The following PCDH11Y variants were observed in gnomAD, a reference collection of about 807,000 sequenced individuals.
The protein encoded by PCDH11Y is protocadherin 11 Y-linked.
For missense variants in PCDH11Y, 12 were observed against 224.8 expected (o/e 0.05, Z 6.05); for synonymous variants, 9 against 83.6 (o/e 0.11, Z 4.87).
At chrY:5,521,849 T>G in intron 3 of PCDH11Y, among the ~76,000 whole-genome samples, 1 of 33,725 alleles carries the variant, frequency 3.0e-5, no homozygotes. Flanking sequence ...AATGAAATAG[T>G]ATTTGTTTTT....
chrY:5,154,556 T>C, intron 2 of PCDH11Y, among the ~76,000 whole-genome samples: 2 of 32,568 alleles, frequency 6.1e-5, no homozygotes, highest in Non-Finnish European at 1.5e-4. Context: ...GAGGTGAACT[T>C]TGTTTTGGGA....
chrY:5,278,943 C>T, intron 2 of PCDH11Y, among the ~76,000 whole-genome samples: 1 of 33,064 alleles, frequency 3.0e-5, no homozygotes, highest in Admixed American at 2.8e-4. Flanking sequence ...TGATATATTT[C>T]CAACTCACAG....
intron 2 of PCDH11Y, among the ~76,000 whole-genome samples, chrY:5,375,019 C>T (rs2053196508): frequency 6.6e-4 from 22 of 33,500 alleles, no homozygotes; most frequent in Admixed American, 1.9e-3. Flanking sequence ...ATAATTGATG[C>T]TATAAACATT....
chrY:5,712,449 T>A, intron 4 of PCDH11Y, among the ~76,000 whole-genome samples: 1 of 33,449 alleles, frequency 3.0e-5, no homozygotes, highest in South Asian at 6.5e-4. Context: ...CCAGGTTTTT[T>A]ACCAAAACTA....
chrY:5,409,769 A>C (rs1602921330), intron 2 of PCDH11Y, among the ~76,000 whole-genome samples: 5 of 33,208 alleles, frequency 1.5e-4, no homozygotes, highest in African/African-American at 3.6e-4. Flanking sequence ...ATCTGTATGA[A>C]TTTTGTTTCT....
exon 5 of PCDH11Y, chrY:5,742,200 A>G: frequency 3.1e-5 from 1 of 32,242 alleles, no homozygotes; most frequent in Non-Finnish European, 7.6e-5. Flanking sequence ...ATTAATATAT[A>G]TTAATAAAAG....
At chrY:5,215,911 C>CT (rs1193823602) in intron 2 of PCDH11Y, among the ~76,000 whole-genome samples, 15 of 11,263 alleles carry the variant, frequency 1.3e-3, no homozygotes, top group Non-Finnish European at 1.9e-3. Context: ...TTAAGACTTT[C>CT]TTTTTTTTTT....
At chrY:5,220,654 G>A in intron 2 of PCDH11Y, among the ~76,000 whole-genome samples, 3 of 23,153 alleles carry the variant, frequency 1.3e-4, no homozygotes, top group Non-Finnish European at 1.9e-4. Context: ...CTTGTGATCC[G>A]CCCGCCTCAG....
intron 2 of PCDH11Y, among the ~76,000 whole-genome samples, chrY:5,425,703 C>T: frequency 3.2e-5 from 1 of 31,618 alleles, no homozygotes; most frequent in Admixed American, 2.9e-4. Context: ...GTGCCATCAC[C>T]ACAGGTAATT....
At chrY:5,682,427 G>A in intron 4 of PCDH11Y, among the ~76,000 whole-genome samples, 17 of 25,963 alleles carry the variant, frequency 6.5e-4, no homozygotes, top group African/African-American at 2.5e-3. Context: ...AGGCAATGGG[G>A]GAGCAATTAT....
At chrY:5,233,940 G>A (rs1199707774) in intron 2 of PCDH11Y, among the ~76,000 whole-genome samples, 2 of 32,587 alleles carry the variant, frequency 6.1e-5, no homozygotes, top group Non-Finnish European at 7.5e-5. Flanking sequence ...AAATGGCATA[G>A]AATGAGAACA....
intron 2 of PCDH11Y, among the ~76,000 whole-genome samples, chrY:5,358,801 A>G (rs1602911093): frequency 3.2e-5 from 1 of 31,613 alleles, no homozygotes; most frequent in Non-Finnish European, 7.6e-5. Context: ...TTTGTCCACA[A>G]GGAATTTCCT....
At chrY:5,162,333 C>G in intron 2 of PCDH11Y, among the ~76,000 whole-genome samples, 2 of 32,628 alleles carry the variant, frequency 6.1e-5, no homozygotes, top group Admixed American at 5.6e-4. Context: ...TCTGCATCTA[C>G]TAACAAATAA....
At chrY:5,107,506 G>A, downstream of PCDH11Y, among the ~76,000 whole-genome samples, 3 of 32,521 alleles carry the variant, frequency 9.2e-5, no homozygotes, top group East Asian at 2.5e-3. Context: ...CAACATGGAA[G>A]GCATTGAAAC....
chrY:5,181,174 G>A, intron 2 of PCDH11Y, among the ~76,000 whole-genome samples: 1 of 30,813 alleles, frequency 3.2e-5, no homozygotes, highest in Non-Finnish European at 7.8e-5. Context: ...CTTCACTTAC[G>A]AAATGTAGTT....
At chrY:5,000,955 C>T in intron 1 of PCDH11Y, among the ~76,000 whole-genome samples, 1 of 33,873 alleles carries the variant, frequency 3.0e-5, no homozygotes, top group Admixed American at 2.6e-4. Context: ...CCAGCTTCAG[C>T]GAGGCTGAGG....
chrY:5,386,240 T>C, intron 2 of PCDH11Y, among the ~76,000 whole-genome samples: 1 of 33,359 alleles, frequency 3.0e-5, no homozygotes. Context: ...ATCTGATATG[T>C]TTTCTTTTTT....
intron 2 of PCDH11Y, among the ~76,000 whole-genome samples, chrY:5,155,148 G>A: frequency 6.4e-5 from 2 of 31,319 alleles, no homozygotes; most frequent in Non-Finnish European, 1.6e-4. Flanking sequence ...TATTTTAGAT[G>A]TGCATTATCT....
intron 3 of PCDH11Y, among the ~76,000 whole-genome samples, chrY:5,046,984 G>C: frequency 3.0e-5 from 1 of 33,650 alleles, no homozygotes; most frequent in Non-Finnish European, 7.4e-5. Context: ...CGCACGGTGC[G>C]CGCACCCATT....
Sources: gnomAD v4.1 joint callset for allele counts (sites outside exome capture counted in the v4.1 genomes callset) on GRCh38, gnomAD v4.1.1 for gene constraint, MANE v1.5 for transcripts, NCBI Gene and HGNC (gene_info 2026-07-23, HGNC 2026-07-21) for gene names.